Variants in SZT2 observed in about 807,000 individuals in gnomAD.
SZT2 encodes KICSTOR complex protein SZT2.
SZT2 carries 216 observed loss-of-function variants against 404.2 expected under a neutral mutation model. The observed-to-expected ratio is 0.53, with a 90% confidence interval of 0.48 to 0.60. SZT2 has a LOEUF of 0.60. SZT2 is among the 20% of genes least tolerant of loss of function. The pLI, the probability that SZT2 is intolerant of heterozygous loss-of-function variation, is 0.00. For synonymous variants in SZT2, 1,693 were observed against 1,749.9 expected, an observed-to-expected ratio of 0.97 and a Z score of 0.81; for missense variants, 3,857 against 4,459.2, an observed-to-expected ratio of 0.86 and a Z score of 3.85.
chr1:43,451,708 G>A lies in SZT2; in HGVS notation c.*1228G>A. The A allele has an allele frequency of 6.2e-7, 1 of 1,614,184 alleles. No individual in the cohort carries two copies. Among genetic ancestry groups the A allele is most frequent in the Non-Finnish European group, 8.5e-7 (1 of 1,180,022 alleles). ...AGGTTCCCATCCATGATCTGCCAGT[G>A]GAATATGTCCTAGGGAAGAGGATAC... On this transcript the variant is annotated 3_prime_UTR_variant, in exon 72 of 72. Coordinates refer to ENST00000634258, the MANE Select transcript of SZT2 (RefSeq NM_001365999.1).
At position 43,442,541 on chromosome 1, in the gene SZT2, A is replaced by G; in HGVS notation, c.8074A>G (p.Ile2692Val). 1.9e-6 allele frequency: 3 copies of G among 1,613,854 alleles called. No individual in the cohort carries two copies. The highest frequency in any genetic ancestry group is 2.5e-6 in the Non-Finnish European group (3 of 1,179,802). Residue 2692 changes from isoleucine (I) to valine (V), a missense_variant, in exon 58 of 72, where the codon ATC becomes GTC. Around this residue, in one of 7 missense-constraint regions of SZT2, gnomAD observed 573 missense variants for 592.4 expected, o/e 0.97. Transcript: ENST00000634258. This position sits in a 1 kb window ranked among gnomAD's most constrained non-coding sequence, Gnocchi z 4.5. ...VQWQNARAHL[I>V]FCLLSQKLGL... ...GTGGCAGAATGCACGAGCCCATCTC[A>G]TCTTCTGCCTACTCAGCCAGAAGCT... is the stretch of plus-strand genomic sequence containing the variant.
chr1:43,442,088 C>T lies in SZT2; in HGVS notation c.7831C>T (p.Leu2611=), dbSNP rs140744209. ...RPAAERHLLL[L]GRNFLQWRRP... ...TGCAGCTGAGCGGCATCTGCTGCTT[C>T]TGGGAAGGAACTTCTTGCAGTGGAG... The change falls in exon 56 of 72, where the codon CTG becomes TTG. Residue 2611 remains leucine, a synonymous_variant. Coordinates refer to ENST00000634258, the MANE Select transcript of SZT2 (RefSeq NM_001365999.1). This position sits in a 1 kb window ranked among gnomAD's most constrained non-coding sequence, Gnocchi z 4.5. 3.0e-4 allele frequency: 487 copies of T among 1,613,794 alleles called. 1 individual carries two copies. The African/African-American group carries it at 5.7e-3, about 19-fold the overall frequency.
chr1:43,428,764 T>A (rs1036149429), intron 28 of SZT2: 2 of 436,644 alleles, frequency 4.6e-6, no homozygotes, highest in African/African-American at 2.0e-5. Flanking sequence ...ACCGTGAACG[T>A]AGAGACTTGT....
At chr1:43,434,797 T>A (rs1432788124) in intron 41 of SZT2, among the ~76,000 whole-genome samples, 1 of 152,182 alleles carries the variant, frequency 6.6e-6, no homozygotes, top group Non-Finnish European at 1.5e-5. Context: ...TGTAACTCTG[T>A]GGAGCTTGTG....
At position 43,425,928 on chromosome 1, in the gene SZT2, C is replaced by T; in HGVS notation, c.2908C>T (p.Pro970Ser). Residue 970 changes from proline to serine, a missense_variant, in exon 20 of 72, where the codon CCA becomes TCA. Around this residue, in one of 7 missense-constraint regions of SZT2, gnomAD observed 1,725 missense variants for 1,881.0 expected, o/e 0.92. Coordinates refer to ENST00000634258, the MANE Select transcript of SZT2 (RefSeq NM_001365999.1). This position sits in a 1 kb window ranked among gnomAD's most constrained non-coding sequence, Gnocchi z 4.3. ...CQSKEWGPLP[P>S]EPRVSDGLDQ... The stretch of plus-strand genomic sequence containing the variant: ...GAGCAAGGAATGGGGTCCTCTGCCC[C>T]CAGAGCCGAGGGTCTCTGATGGTGA... The T allele has an allele frequency of 3.7e-6, 6 of 1,614,120 alleles. No homozygotes were observed. Among genetic ancestry groups the T allele is most frequent in the Non-Finnish European group, 4.2e-6 (5 of 1,180,016 alleles).
Position 43,434,448 on chromosome 1 carries a change from T to C in SZT2, c.5867T>C (p.Val1956Ala), listed in dbSNP as rs1371329362. Residue 1956 changes from valine to alanine, a missense_variant, in exon 41 of 72, where the codon GTG (valine) becomes GCG (alanine). Physicochemically the swap from Val to Ala is moderately conservative, Grantham distance 64. Coordinates refer to ENST00000634258, the MANE Select transcript of SZT2 (RefSeq NM_001365999.1). ...TGTCGCCACCTGCAGCAGCTCCTGG[T>C]GAGGCGAGTTGGGGAGATCTGCAGG... ...TECRHLQQLL[V>A]RRVGEICREV... is the part of the protein sequence containing the mutation. 3 of 1,597,758 alleles carry C rather than the reference T, an allele frequency of 1.9e-6. No individual in the cohort carries two copies. Among genetic ancestry groups the C allele is most frequent in the Non-Finnish European group, 2.6e-6 (3 of 1,173,804 alleles).
intron 59 of SZT2, 25 bp from the exon 60 acceptor site, chr1:43,443,163 T>G (rs146609729): frequency 1.2e-6 from 2 of 1,614,084 alleles, no homozygotes; most frequent in South Asian, 2.2e-5. Flanking sequence ...TGCCTGGGGC[T>G]ACTACTAATG....
chr1:43,392,377 A>G (rs1419085889), intron 1 of SZT2, among the ~76,000 whole-genome samples: 1 of 151,978 alleles, frequency 6.6e-6, no homozygotes, highest in African/African-American at 2.4e-5. Flanking sequence ...TTTCAAGTCA[A>G]GACACACAAT....
Position 43,439,710 on chromosome 1 carries a change from A to G in SZT2, c.6983A>G (p.Glu2328Gly). ...SPGPPDPLRE[E>G]EFEQLTQVIR... ...GGGCCCCCAGACCCACTGCGAGAGG[A>G]GGAATTTGAGCAACTGACCCAGGTC... is the stretch of plus-strand genomic sequence containing the variant. The change falls in exon 50 of 72, where the codon GAG becomes GGG. Residue 2328 changes from glutamate (E) to glycine (G), a missense_variant. Physicochemically the swap from Glu to Gly is moderately conservative, Grantham distance 98 (BLOSUM62 -2). Around this residue, in one of 7 missense-constraint regions of SZT2, gnomAD observed 573 missense variants for 592.4 expected, o/e 0.97. Transcript: ENST00000634258. The surrounding 1 kb of genome is among the most constrained non-coding windows in gnomAD (Gnocchi z 4.2). 6.2e-7 allele frequency: 1 copy of G among 1,611,304 alleles called. No homozygotes were observed. The highest frequency in any genetic ancestry group is 8.5e-7 in the Non-Finnish European group (1 of 1,178,558).
chr1:43,434,427 G>A lies in SZT2; in HGVS notation c.5846G>A (p.Arg1949His), dbSNP rs764143594. ...GATGGGGGGCCGGGCACTGAGTGTC[G>A]CCACCTGCAGCAGCTCCTGGTGAGG... is the stretch of plus-strand genomic sequence containing the variant. ...REDGGPGTEC[R>H]HLQQLLVRRV... The change falls in exon 41 of 72, where the codon CGC (arginine) becomes CAC (histidine). Residue 1949 changes from arginine (R) to histidine (H), a missense_variant. Physicochemically the swap from Arg to His is conservative, Grantham distance 29. Around this residue, in one of 7 missense-constraint regions of SZT2, gnomAD observed 1,725 missense variants for 1,881.0 expected, o/e 0.92. Transcript: ENST00000634258. 7 of 1,598,354 alleles carry A rather than the reference G, an allele frequency of 4.4e-6. No homozygotes were observed. The highest frequency in any genetic ancestry group is 1.8e-5 in the Admixed American group (1 of 56,840).
chr1:43,412,671 C>T (rs1247967863), intron 4 of SZT2: 2 of 152,012 alleles, frequency 1.3e-5, no homozygotes, highest in African/African-American at 2.4e-5. Context: ...AAAAGCTGCA[C>T]AGCAAAGGAA....
In SZT2 at chr1:43,425,281, C is replaced by G; in HGVS notation, c.2645+74C>G. On this transcript the variant is annotated intron_variant, in intron 18 of 71. Transcript: ENST00000634258. This position sits in a 1 kb window ranked among gnomAD's most constrained non-coding sequence, Gnocchi z 4.3. The stretch of plus-strand genomic sequence containing the variant: ...CCCACCATCCCCTAGAGGTCTGGCT[C>G]CCATATCCTGAGATGATCTTGATCC... The G allele has an allele frequency of 6.4e-7, 1 of 1,574,344 alleles. No individual in the cohort carries two copies.
chr1:43,434,625 G>A, intron 41 of SZT2, 140 bp downstream of exon 41: 1 of 778,918 alleles, frequency 1.3e-6, no homozygotes, highest in Admixed American at 2.6e-5. Context: ...TTAGTAGGAT[G>A]CTGTTTCTCC....
Position 43,452,583 on chromosome 1 carries a change from C to G in SZT2, c.*2103C>G. The G allele has an allele frequency of 1.6e-6, 1 of 608,096 alleles. No individual in the cohort carries two copies. The highest frequency in any genetic ancestry group is 2.8e-5 in the East Asian group (1 of 35,752). The allele number at this position is 608,096 out of a possible 1,614,324, so 37.7% of individuals were successfully genotyped here. The stretch of plus-strand genomic sequence containing the variant: ...ACCTTTCCTTCCCTCGGTCCTTCTC[C>G]GCAACCTGTAACCTGCTAAATTCTC... On this transcript the variant is annotated 3_prime_UTR_variant, in exon 72 of 72. Transcript: ENST00000634258.
chr1:43,451,471 CAGAT>C lies in SZT2; in HGVS notation c.*994_*997del, dbSNP rs1557613502. The C allele has an allele frequency of 3.1e-6, 5 of 1,614,140 alleles. No individual in the cohort carries two copies. Among genetic ancestry groups the C allele is most frequent in the Non-Finnish European group, 4.2e-6 (5 of 1,180,038 alleles). ...AGCCTTCATCTTCCAGCAGTTGAAA[CAGAT>C]AGGGGAAATTCAGCTCTCCGGGGCT... On this transcript the variant is annotated 3_prime_UTR_variant, in exon 72 of 72. Transcript: ENST00000634258.
Position 43,420,740 on chromosome 1 carries a change from C to T in SZT2, c.1262-9C>T. The T allele has an allele frequency of 6.3e-7, 1 of 1,597,856 alleles. No individual in the cohort carries two copies. ...CTTCTCCTAACTGGCCCTTCCGCTT[C>T]TCCCTAAGGAGGGTCCCAATTGGAG... On this transcript the variant is annotated splice_polypyrimidine_tract_variant and intron_variant, in intron 9 of 71. Coordinates refer to ENST00000634258, the MANE Select transcript of SZT2 (RefSeq NM_001365999.1). This position sits in a 1 kb window ranked among gnomAD's most constrained non-coding sequence, Gnocchi z 5.1.
rs202186125 is a variant in SZT2, at chr1:43,429,678, C to G, written c.4167-25C>G. The G allele has an allele frequency of 2.9e-5, 46 of 1,614,028 alleles. 1 individual carries two copies. Among genetic ancestry groups the G allele is most frequent in the Non-Finnish European group, 3.6e-5 (43 of 1,180,004 alleles). The stretch of plus-strand genomic sequence containing the variant: ...CAGAGCTTGATGGTTCTTAACACTT[C>G]AACATCCTTACCCCAACCATTCAGC... On this transcript the variant is annotated intron_variant, in intron 28 of 71. Transcript: ENST00000634258.
rs530645704 is a variant in SZT2 at position 43,425,147 on chromosome 1, A to G, written c.2585A>G (p.Lys862Arg). The G allele has an allele frequency of 3.7e-5, 59 of 1,614,204 alleles. 1 individual carries two copies. The South Asian group carries it at 6.0e-4, about 17-fold the overall frequency. The change falls in exon 18 of 72, where the codon AAG (lysine) becomes AGG (arginine). Residue 862 changes from lysine (K) to arginine (R), a missense_variant. By Grantham distance (26) the Lys-to-Arg change is conservative. Around this residue, in one of 7 missense-constraint regions of SZT2, gnomAD observed 1,725 missense variants for 1,881.0 expected, o/e 0.92. Transcript: ENST00000634258. This position sits in a 1 kb window ranked among gnomAD's most constrained non-coding sequence, Gnocchi z 4.3. ...CCAGGGCAGGCTGCAGCTGAAGAGA[A>G]GCACACCTGTGTTGTCCAGTACATC... The part of the protein sequence containing the change: ...EPPGQAAAEE[K>R]HTCVVQYILF...
At position 43,437,871 on chromosome 1, in the gene SZT2, C is replaced by T; in HGVS notation, c.6477C>T (p.Ile2159=). The change falls in exon 46 of 72, where the codon ATC becomes ATT. Residue 2159 remains isoleucine (I), a synonymous_variant. Transcript: ENST00000634258. The surrounding 1 kb of genome is among the most constrained non-coding windows in gnomAD (Gnocchi z 5.3). ...ARPVGQVDRH[I]QLLVHGVGQA... is the part of the protein sequence containing the mutation. Reference sequence around the variant, plus strand: ...CTGTGGGCCAAGTGGACAGACATATCCAGCTGCTGGTCCATGGTGTTGGGC... The same window carrying T: ...CTGTGGGCCAAGTGGACAGACATATTCAGCTGCTGGTCCATGGTGTTGGGC... The T allele has an allele frequency of 1.9e-6, 3 of 1,614,180 alleles. No individual in the cohort carries two copies. Among genetic ancestry groups the T allele is most frequent in the Non-Finnish European group, 2.5e-6 (3 of 1,180,044 alleles).
Sources: allele counts gnomAD v4.1 joint callset (sites outside exome capture counted in the v4.1 genomes callset), GRCh38; gene constraint gnomAD v4.1.1; regional missense constraint gnomAD v4.1.1; non-coding constraint Gnocchi (gnomAD v3.1); transcripts MANE v1.5; gene names NCBI Gene and HGNC (gene_info 2026-07-23, HGNC 2026-07-21).